The following PPARGC1B variants were observed in gnomAD, a reference collection of about 807,000 sequenced individuals.
PPARGC1B encodes the protein peroxisome proliferator-activated receptor gamma coactivator 1-beta.
In PPARGC1B, 34 loss-of-function variants were observed where a neutral mutation model predicts 101.6. That is an observed-to-expected ratio of 0.33 (90% CI 0.25 to 0.45). The LOEUF (loss-of-function observed/expected upper bound fraction) is 0.45, where lower values mean the gene tolerates loss of function less well. Ranked by LOEUF, PPARGC1B falls within the 20% of genes least tolerant of loss-of-function variation. The probability of loss-of-function intolerance (pLI) is 1.00; values close to 1 mark genes in which losing one functional copy is unlikely to be tolerated. For synonymous variants in PPARGC1B, 548 were observed against 539.3 expected, an observed-to-expected ratio of 1.02 and a Z score of -0.22; for missense variants, 1,234 against 1,317.6, an observed-to-expected ratio of 0.94 and a Z score of 0.98.
At chr5:149,856,771 CTTTTT>C (rs562000427), downstream of PPARGC1B, among the ~76,000 whole-genome samples, 1 of 129,114 alleles carries the variant, frequency 7.7e-6, no homozygotes, top group South Asian at 2.6e-4. Flanking sequence ...AGCTGCTTGG[CTTTTT>C]TTTTTTTTTT....
In PPARGC1B at chr5:149,732,836, C is replaced by G. The variant is rs376185067; in HGVS notation, c.78+2416C>G. 4.6e-4 allele frequency: 218 copies of G among 479,092 alleles called. 1 individual carries two copies. Among genetic ancestry groups the G allele is most frequent in the African/African-American group, 4.1e-3 (206 of 50,752 alleles). 29.7% of individuals were successfully genotyped at this position (479,092 alleles called of 1,614,324 possible). On this transcript the variant is annotated intron_variant, in intron 1 of 11. Coordinates refer to ENST00000309241, the MANE Select transcript of PPARGC1B (RefSeq NM_133263.4). ...TGACAGAGCCACCCAGGGCTCCTGA[C>G]TCCAGGTCCTGTGTGTTACCTAGAA...
Position 149,848,411 on chromosome 5 carries a change from C to T in PPARGC1B, c.*853C>T, listed in dbSNP as rs1217662791. Reference sequence around the variant, plus strand: ...AGAGGCGAAATGACTGTGGGAGGTCCGGTTACCAGTGAGGAGGCAGAGCGG... The same window carrying T: ...AGAGGCGAAATGACTGTGGGAGGTCTGGTTACCAGTGAGGAGGCAGAGCGG... On this transcript the variant is annotated 3_prime_UTR_variant, in exon 12 of 12. Coordinates refer to ENST00000309241, the MANE Select transcript of PPARGC1B (RefSeq NM_133263.4). 4 of 152,178 alleles carry T rather than the reference C, an allele frequency of 2.6e-5. No individual in the cohort carries two copies. The highest frequency in any genetic ancestry group is 5.9e-5 in the Non-Finnish European group (4 of 68,068). 9.4% of individuals were successfully genotyped at this position (152,178 alleles called of 1,614,324 possible).
chr5:149,829,755 G>T (rs1228598199), intron 3 of PPARGC1B, among the ~76,000 whole-genome samples: 1 of 151,812 alleles, frequency 6.6e-6, no homozygotes, highest in East Asian at 1.9e-4. Context: ...ACAGGGTAGG[G>T]CCAGGCACAG....
At chr5:149,752,888 A>G (rs1230075179) in intron 1 of PPARGC1B, among the ~76,000 whole-genome samples, 2 of 152,192 alleles carry the variant, frequency 1.3e-5, no homozygotes, top group African/African-American at 2.4e-5. Flanking sequence ...AACATTATGC[A>G]TGTTACAAAT....
chr5:149,833,282 C>T lies in PPARGC1B; in HGVS notation c.1209C>T (p.Thr403=), dbSNP rs141686848. 4.3e-5 allele frequency: 70 copies of T among 1,613,254 alleles called. No homozygotes were observed. Among genetic ancestry groups the T allele is most frequent in the Admixed American group, 2.0e-4 (12 of 60,014 alleles). The change falls in exon 5 of 12, where the codon ACC becomes ACT. Residue 403 remains threonine (T), a synonymous_variant. Transcript: ENST00000309241. The surrounding 1 kb of genome is among the most constrained non-coding windows in gnomAD (Gnocchi z 4.1). ...GGATCGCAGCTTCACCCAAGAGCACCGGGCCCAGACCAAGCCTGCGCCCAC... is the reference window on the plus strand; with the variant it reads ...GGATCGCAGCTTCACCCAAGAGCACTGGGCCCAGACCAAGCCTGCGCCCAC... The part of the protein sequence containing the change: ...EVRIAASPKS[T]GPRPSLRPLR...
chr5:149,755,046 C>CATATAT lies in PPARGC1B; in HGVS notation c.78+24631_78+24632insTATATA, dbSNP rs1385735590. Among the ~76,000 whole-genome samples the CATATAT allele has an allele frequency of 2.2e-3, 228 of 105,558 alleles. 1 individual carries two copies. The highest frequency in any genetic ancestry group is 0.018 in the East Asian group (75 of 4,266). The allele number at this position is 105,558 out of a possible 152,430, so 69.3% of individuals were successfully genotyped here. ...CACATATACACTACATATACATATACATATACATATATATATATATATATA... is the reference window on the plus strand; with the variant it reads ...CACATATACACTACATATACATATACATATATATATACATATATATATATATATATA... On this transcript the variant is annotated intron_variant, in intron 1 of 11. Coordinates refer to ENST00000309241, the MANE Select transcript of PPARGC1B (RefSeq NM_133263.4).
At chr5:149,830,030 CAAAAAAAAAAAAAAAAAAAAAAAAGAA>C in intron 3 of PPARGC1B, among the ~76,000 whole-genome samples, 1 of 34,268 alleles carries the variant, frequency 2.9e-5, no homozygotes, top group South Asian at 2.2e-3. Context: ...GACTGCATCT[CAAAAAAAAAAAAAAAAAAAAAAAAGAA>C]AAAAAAAAAA....
Position 149,758,607 on chromosome 5 carries a change from T to A in PPARGC1B, c.78+28187T>A, listed in dbSNP as rs1581020350. Among the ~76,000 whole-genome samples the A allele has an allele frequency of 2.0e-5, 3 of 152,150 alleles. No individual in the cohort carries two copies. The South Asian group carries it at 6.2e-4, about 32-fold the overall frequency. On this transcript the variant is annotated intron_variant, in intron 1 of 11. Coordinates refer to ENST00000309241, the MANE Select transcript of PPARGC1B (RefSeq NM_133263.4). Reference sequence around the variant, plus strand: ...TCATCATGTGCCCCAGCAGGTGCCATCTTTTGGGAACAGGGTGTGGACAGG... The same window carrying A: ...TCATCATGTGCCCCAGCAGGTGCCAACTTTTGGGAACAGGGTGTGGACAGG...
Position 149,848,953 on chromosome 5 carries a change from G to A in PPARGC1B, c.*1395G>A, listed in dbSNP as rs1055046821. Reference sequence around the variant, plus strand: ...AATTGGGCTTTGCTTTAAACTTTGTGTTCTTAAGTGATGTCAAAGCCATTT... The same window carrying A: ...AATTGGGCTTTGCTTTAAACTTTGTATTCTTAAGTGATGTCAAAGCCATTT... On this transcript the variant is annotated 3_prime_UTR_variant, in exon 12 of 12. Transcript: ENST00000309241. 1 of 152,168 alleles carries A rather than the reference G, an allele frequency of 6.6e-6. No homozygotes were observed. Among genetic ancestry groups the A allele is most frequent in the Admixed American group, 6.5e-5 (1 of 15,278 alleles). The allele number at this position is 152,168 out of a possible 1,614,324, so 9.4% of individuals were successfully genotyped here.
intron 1 of PPARGC1B, among the ~76,000 whole-genome samples, chr5:149,733,278 G>A (rs1354477781): frequency 6.6e-6 from 1 of 152,188 alleles, no homozygotes; most frequent in African/African-American, 2.4e-5. Context: ...CGGAAATTTA[G>A]CAGAACAAGG....
At chr5:149,798,239 C>A (rs1472878117) in intron 1 of PPARGC1B, among the ~76,000 whole-genome samples, 1 of 152,234 alleles carries the variant, frequency 6.6e-6, no homozygotes, top group Non-Finnish European at 1.5e-5. Flanking sequence ...GCTAAACCTA[C>A]AACTGATTTG....
At chr5:149,755,974 A>G (rs1405954557) in intron 1 of PPARGC1B, among the ~76,000 whole-genome samples, 1 of 152,150 alleles carries the variant, frequency 6.6e-6, no homozygotes, top group African/African-American at 2.4e-5. Flanking sequence ...TTGGCTTTGC[A>G]GGAGGCACAG....
At position 149,834,860 on chromosome 5, in the gene PPARGC1B, C is replaced by T. The variant is rs1251022064; in HGVS notation, c.1742+150C>T. 4 of 710,182 alleles carry T rather than the reference C, an allele frequency of 5.6e-6. No individual in the cohort carries two copies. In the East Asian group the frequency reaches 7.8e-5, roughly 14 times the overall value. 44.0% of individuals were successfully genotyped at this position (710,182 alleles called of 1,614,324 possible). ...GATTGTCATCTGGGACCCTCAGGAG[C>T]TGGGCTCCTTTAGAAGGGAGTTGGT... On this transcript the variant is annotated intron_variant, in intron 6 of 11. Transcript: ENST00000309241.
intron 1 of PPARGC1B, among the ~76,000 whole-genome samples, chr5:149,762,186 T>A (rs1755741332): frequency 1.3e-5 from 2 of 149,120 alleles, no homozygotes; most frequent in South Asian, 2.1e-4. Context: ...ATGGAGTCTG[T>A]CTCCTGGGCA....
chr5:149,811,064 A>G (rs538826216), intron 1 of PPARGC1B, among the ~76,000 whole-genome samples: 1 of 152,284 alleles, frequency 6.6e-6, no homozygotes, highest in South Asian at 2.1e-4. Flanking sequence ...ATAAAGCGCA[A>G]AATTGTGAAA....
chr5:149,836,438 A>G lies in PPARGC1B; in HGVS notation c.1983A>G (p.Arg661=), dbSNP rs1759081067. ...AHKLPKKHPE[R]SELLSHLRHA... Reference sequence around the variant, plus strand: ...AGCTGCCAAAGAAGCACCCAGAGCGAAGTGAGCTCCTGTCCCACCTGCGAC... The same window carrying G: ...AGCTGCCAAAGAAGCACCCAGAGCGGAGTGAGCTCCTGTCCCACCTGCGAC... Residue 661 remains arginine, a synonymous_variant, in exon 8 of 12, where the codon CGA becomes CGG. Transcript: ENST00000309241. 6.2e-7 allele frequency: 1 copy of G among 1,614,012 alleles called. No homozygotes were observed. Among genetic ancestry groups the G allele is most frequent in the South Asian group, 1.1e-5 (1 of 91,090 alleles).
chr5:149,781,523 CT>C, intron 1 of PPARGC1B, among the ~76,000 whole-genome samples: 1 of 152,284 alleles, frequency 6.6e-6, no homozygotes, highest in South Asian at 2.1e-4. Context: ...CTATGGAGTC[CT>C]TTGTGTGAAC....
chr5:149,795,058 T>G (rs1757160989), intron 1 of PPARGC1B, among the ~76,000 whole-genome samples: 1 of 152,230 alleles, frequency 6.6e-6, no homozygotes, highest in Non-Finnish European at 1.5e-5. Flanking sequence ...GGGCCTCAGT[T>G]TCCTTCCCTG....
At chr5:149,811,761 T>A (rs1366462053) in intron 1 of PPARGC1B, among the ~76,000 whole-genome samples, 1 of 152,190 alleles carries the variant, frequency 6.6e-6, no homozygotes, top group Non-Finnish European at 1.5e-5. Flanking sequence ...GATAAGAAGT[T>A]TGATGAGCTC....
Sources: gnomAD v4.1 joint callset for allele counts (sites outside exome capture counted in the v4.1 genomes callset) on GRCh38, gnomAD v4.1.1 for gene constraint, Gnocchi (gnomAD v3.1) non-coding constraint, MANE v1.5 for transcripts, NCBI Gene and HGNC (gene_info 2026-07-23, HGNC 2026-07-21) for gene names.